The following ABCC6 variants were observed in gnomAD, a reference collection of about 807,000 sequenced individuals.
ABCC6 encodes ATP binding cassette subfamily C member 6.
Under a neutral mutation model 169.5 loss-of-function variants are expected in ABCC6, and 126 were observed. The ratio of observed to expected loss-of-function variants is 0.74; its 90% CI spans 0.64 to 0.86. The LOEUF is 0.86. Among genes scored for constraint, ABCC6 ranks in the 40% least tolerant of loss-of-function variants. The pLI, the probability that ABCC6 is intolerant of heterozygous loss-of-function variation, is 0.00. For missense variants in ABCC6, 1,733 were observed against 1,927.2 expected (o/e 0.90, Z 1.89); for synonymous variants, 752 against 814.7 (o/e 0.92, Z 1.31).
At position 16,150,246 on chromosome 16, in the gene ABCC6, G is replaced by T. The variant is rs58190361; in HGVS notation, c.4404-5C>A. On this transcript the variant is annotated splice_region_variant and splice_polypyrimidine_tract_variant and intron_variant, in intron 30 of 30. Transcript: ENST00000205557. ...CCCTTGTCCATGACCAGAACCCTGTGGGGGAGAGGGAGACAGAGAGGCTCT... is the reference window on the plus strand; with the variant it reads ...CCCTTGTCCATGACCAGAACCCTGTTGGGGAGAGGGAGACAGAGAGGCTCT... 21 of 1,613,934 alleles carry T rather than the reference G, an allele frequency of 1.3e-5. No homozygotes were observed. In the African/African-American group the frequency reaches 2.5e-4, roughly 19 times the overall value.
At chr16:16,188,789 C>A (rs373718628) in intron 13 of ABCC6, 42 bp downstream of exon 13, 1 of 1,597,560 alleles carries the variant, frequency 6.3e-7, no homozygotes, top group Non-Finnish European at 8.5e-7. Context: ...GTGTAGCCCA[C>A]GCACTCTCCC....
intron 9 of ABCC6, among the ~76,000 whole-genome samples, chr16:16,200,416 C>T (rs963833626): frequency 1.5e-4 from 19 of 124,764 alleles, no homozygotes; most frequent in African/African-American, 3.1e-4. Context: ...GCAACAAGAG[C>T]GAAACTCTGT....
intron 6 of ABCC6, among the ~76,000 whole-genome samples, chr16:16,210,468 T>C (rs1943417773): frequency 1.3e-5 from 2 of 152,326 alleles, no homozygotes; most frequent in South Asian, 2.1e-4. Context: ...CAGAGCCAAC[T>C]TGGGGAAGCA....
intron 9 of ABCC6, among the ~76,000 whole-genome samples, chr16:16,198,672 G>T (rs546513527): frequency 1.9e-4 from 28 of 151,230 alleles, no homozygotes; most frequent in Non-Finnish European, 3.5e-4. Flanking sequence ...GACATAGTAA[G>T]ACCCAAGCTC....
chr16:16,191,162 C>A, intron 11 of ABCC6, among the ~76,000 whole-genome samples: 1 of 152,094 alleles, frequency 6.6e-6, no homozygotes, highest in Non-Finnish European at 1.5e-5. Context: ...GTCGCCCAGG[C>A]TGGAGTGCAG....
chr16:16,198,751 T>G (rs2048139376), intron 9 of ABCC6, among the ~76,000 whole-genome samples: 1 of 150,568 alleles, frequency 6.6e-6, no homozygotes, highest in African/African-American at 2.4e-5. Context: ...CCCAGCACTT[T>G]GGGAGGCCGA....
At chr16:16,189,056 C>A in intron 12 of ABCC6, 82 bp from the exon 13 acceptor site, 1 of 1,523,790 alleles carries the variant, frequency 6.6e-7, no homozygotes, top group African/African-American at 1.4e-5. Flanking sequence ...GTGGTGCCTG[C>A]ACGGTCCATG....
At chr16:16,170,098 G>T (rs56267718) in intron 21 of ABCC6, among the ~76,000 whole-genome samples, 146,195 of 149,690 alleles carry the variant, frequency 0.98, 71,482 homozygotes, top group Middle Eastern at 1. Context: ...TTTTTCTTTT[G>T]TTTTTTTTTT....
At chr16:16,200,462 G>C (rs1383172025) in intron 9 of ABCC6, among the ~76,000 whole-genome samples, 1 of 147,770 alleles carries the variant, frequency 6.8e-6, no homozygotes, top group Non-Finnish European at 1.5e-5. Flanking sequence ...CCAGAGGTTA[G>C]AGAGGAGGGA....
In ABCC6 at chr16:16,178,707, G is replaced by C. The variant is rs60072519; in HGVS notation, c.2415+91C>G. 314 of 1,432,838 alleles carry C rather than the reference G, an allele frequency of 2.2e-4. 1 individual carries two copies. The African/African-American group carries it at 3.9e-3, about 18-fold the overall frequency. The allele number at this position is 1,432,838 out of a possible 1,614,324, so 88.8% of individuals were successfully genotyped here. The stretch of plus-strand genomic sequence containing the variant: ...AGAGGAAATTGGACTCAAGTGGAAG[G>C]GGGAGGTGAGATAAACTTGGGTTAG... On this transcript the variant is annotated intron_variant, in intron 18 of 30. Transcript: ENST00000205557.
rs12929920 is a variant in ABCC6 at position 16,198,001 on chromosome 16, G to T, written c.1338+20C>A. On this transcript the variant is annotated intron_variant, in intron 10 of 30. Coordinates refer to ENST00000205557, the MANE Select transcript of ABCC6 (RefSeq NM_001171.6). ...GGGTGGGGGACTCCGTTCAAATCCC[G>T]TCTTCCTCCTCTGGCATACCTGCCA... 6 of 1,611,084 alleles carry T rather than the reference G, an allele frequency of 3.7e-6. No individual in the cohort carries two copies. The highest frequency in any genetic ancestry group is 5.1e-6 in the Non-Finnish European group (6 of 1,178,734).
intron 29 of ABCC6, among the ~76,000 whole-genome samples, 180 bp downstream of exon 29, chr16:16,154,448 A>G (rs1425792349): frequency 1.3e-5 from 2 of 152,066 alleles, no homozygotes; most frequent in Admixed American, 6.5e-5. Context: ...TTTAGGGGGG[A>G]AAACCTTGGT....
rs996908058 is a variant in ABCC6 at position 16,166,011 on chromosome 16, C to T, written c.2996-78G>A. ...CCCACGGGGCCCTGCGCAGGTCTCTCCCGCTACCCCATGGTGGACATCTTA... is the reference window on the plus strand; with the variant it reads ...CCCACGGGGCCCTGCGCAGGTCTCTTCCGCTACCCCATGGTGGACATCTTA... On this transcript the variant is annotated intron_variant, in intron 22 of 30. Transcript: ENST00000205557. The T allele has an allele frequency of 1.8e-5, 25 of 1,427,180 alleles. No homozygotes were observed. In the Admixed American group the frequency reaches 3.5e-4, roughly 20 times the overall value. The allele number at this position is 1,427,180 out of a possible 1,614,324, so 88.4% of individuals were successfully genotyped here.
At chr16:16,169,622 A>G in intron 22 of ABCC6, 24 bp downstream of exon 22, 2 of 1,608,914 alleles carry the variant, frequency 1.2e-6, no homozygotes, top group Non-Finnish European at 1.7e-6. Flanking sequence ...GAGGAGAGGG[A>G]TGAGGAGGGC....
chr16:16,178,700 G>T, intron 18 of ABCC6, 98 bp downstream of exon 18: 1 of 1,398,160 alleles, frequency 7.2e-7, no homozygotes, highest in African/African-American at 1.4e-5. Context: ...TTGGACTCAA[G>T]TGGAAGGGGG....
chr16:16,222,771 TCCG>T (rs1323567323), intron 1 of ABCC6, among the ~76,000 whole-genome samples: 1 of 151,910 alleles, frequency 6.6e-6, no homozygotes. Flanking sequence ...CAATTCTCTC[TCCG>T]CTGTCTTTTT....
At chr16:16,180,815 A>T (rs1254198780) in intron 17 of ABCC6, among the ~76,000 whole-genome samples, 1 of 152,164 alleles carries the variant, frequency 6.6e-6, no homozygotes, top group Non-Finnish European at 1.5e-5. Context: ...ACATTCAGTC[A>T]TTCCACTAAT....
Position 16,161,511 on chromosome 16 carries a change from G to A in ABCC6, c.3560C>T (p.Ala1187Val), listed in dbSNP as rs1293676720. ...GGCTTTGCTCAGCACAGCACACGTG[G>A]CAGCTGCAAACACCAGGCCATTCCC... is the stretch of plus-strand genomic sequence containing the variant. ...LLGNGLVFAA[A>V]TCAVLSKAHL... Residue 1187 changes from alanine to valine, a missense_variant, in exon 25 of 31, where the codon GCC (alanine) becomes GTC (valine). Physicochemically the swap from Ala to Val is moderately conservative, Grantham distance 64 (BLOSUM62 0). Coordinates refer to ENST00000205557, the MANE Select transcript of ABCC6 (RefSeq NM_001171.6). 1.2e-6 allele frequency: 2 copies of A among 1,613,960 alleles called. No homozygotes were observed. The highest frequency in any genetic ancestry group is 1.7e-6 in the Non-Finnish European group (2 of 1,180,034).
At chr16:16,157,837 A>G in intron 26 of ABCC6, 28 bp from the exon 27 acceptor site, 2 of 1,602,424 alleles carry the variant, frequency 1.2e-6, no homozygotes, top group Non-Finnish European at 8.5e-7. Context: ...ACTGAGTCAG[A>G]GGAGCCTTCC....
Sources: allele counts gnomAD v4.1 joint callset (sites outside exome capture counted in the v4.1 genomes callset), GRCh38; gene constraint gnomAD v4.1.1; transcripts MANE v1.5; gene names NCBI Gene and HGNC (gene_info 2026-07-23, HGNC 2026-07-21).